Variants in SDK2 observed in about 807,000 individuals in gnomAD.
SDK2 encodes sidekick cell adhesion molecule 2.
Under a neutral mutation model 253.9 loss-of-function variants are expected in SDK2, and 105 were observed. The observed-to-expected ratio is 0.41, with a 90% CI of 0.35 to 0.49. The LOEUF (loss-of-function observed/expected upper bound fraction) is 0.49. SDK2 is among the 20% of genes least tolerant of loss of function. The probability of loss-of-function intolerance (pLI) is 0.06; values close to 1 mark genes in which losing one functional copy is unlikely to be tolerated. For synonymous variants in SDK2, 1,249 were observed against 1,234.9 expected (o/e 1.01, Z -0.24); for missense variants, 2,608 against 3,003.0 (o/e 0.87, Z 3.07).
At position 73,637,528 on chromosome 17, in the gene SDK2, G is replaced by A. The variant is rs144819324; in HGVS notation, c.64+6497C>T. ...TAAGTAGCTGGGATTACAGGCATGC[G>A]CCACCACACCTGGTTAATTTTTGTA... On this transcript the variant is annotated intron_variant, in intron 1 of 44. Transcript: ENST00000392650. Among the ~76,000 whole-genome samples the A allele has an allele frequency of 9.5e-4, 144 of 152,254 alleles. 1 individual carries two copies. Among genetic ancestry groups the A allele is most frequent in the African/African-American group, 2.6e-3 (107 of 41,548 alleles).
chr17:73,576,525 C>T (rs1217013072), intron 1 of SDK2, among the ~76,000 whole-genome samples: 1 of 152,202 alleles, frequency 6.6e-6, no homozygotes, highest in Non-Finnish European at 1.5e-5. Context: ...GCTTGCCGGA[C>T]ACAGGTGGAG....
chr17:73,361,558 A>T lies in SDK2; in HGVS notation c.5467+126T>A, dbSNP rs1019129989. 1 of 932,634 alleles carries T rather than the reference A, an allele frequency of 1.1e-6. No homozygotes were observed. Among genetic ancestry groups the T allele is most frequent in the East Asian group, 2.6e-5 (1 of 38,208 alleles). 57.8% of individuals were successfully genotyped at this position (932,634 alleles called of 1,614,324 possible). On this transcript the variant is annotated intron_variant, in intron 39 of 44. Coordinates refer to ENST00000392650, the MANE Select transcript of SDK2 (RefSeq NM_001144952.2). The surrounding 1 kb of genome is among the most constrained non-coding windows in gnomAD (Gnocchi z 4.1). ...GGGAGGGGTCACTGGGCACCAGGGGAAAGAGTGAGCTCTGTCCTCCACTCT... is the reference window on the plus strand; with the variant it reads ...GGGAGGGGTCACTGGGCACCAGGGGTAAGAGTGAGCTCTGTCCTCCACTCT...
intron 1 of SDK2, among the ~76,000 whole-genome samples, chr17:73,528,338 G>A (rs774538478): frequency 6.6e-6 from 1 of 152,220 alleles, no homozygotes; most frequent in Non-Finnish European, 1.5e-5. Context: ...CCTAGTCTGT[G>A]CAGGTGCAGT....
At chr17:73,544,714 A>T (rs1221285756) in intron 1 of SDK2, among the ~76,000 whole-genome samples, 2 of 152,212 alleles carry the variant, frequency 1.3e-5, no homozygotes, top group African/African-American at 4.8e-5. Context: ...AAAGCATCTA[A>T]CTTAACCTCT....
At chr17:73,427,642 C>CAAAAAAAAAAAAA (rs9302965) in intron 12 of SDK2, among the ~76,000 whole-genome samples, 4 of 105,818 alleles carry the variant, frequency 3.8e-5, no homozygotes, top group Non-Finnish European at 5.7e-5. Context: ...CATCCACATG[C>CAAAAAAAAAAAAA]AAAAAAAAAA....
chr17:73,633,822 T>C (rs887343286), intron 1 of SDK2, among the ~76,000 whole-genome samples: 2 of 151,468 alleles, frequency 1.3e-5, no homozygotes, highest in Admixed American at 6.6e-5. Context: ...CAGCTGGAAG[T>C]CAGGGACGGC....
Position 73,440,923 on chromosome 17 carries a change from T to A in SDK2, c.614A>T (p.Asn205Ile). 1 of 1,546,936 alleles carries A rather than the reference T, an allele frequency of 6.5e-7. No individual in the cohort carries two copies. Among genetic ancestry groups the A allele is most frequent in the Non-Finnish European group, 8.7e-7 (1 of 1,143,280 alleles). ...GATGGGGTCTGCAGGCCCCCCTACA[T>A]CTGGAGAGAGATCAGATGTTAGCTG... ...TSQPITLTVE[N>I]VGGPADPIAP... Residue 205 changes from asparagine (N) to isoleucine (I), a missense_variant and splice_region_variant, in exon 6 of 45, where the codon AAT becomes ATT. This residue lies in a region of SDK2 where 1,505 missense variants were observed against 1,859.1 expected (regional missense o/e 0.81). Transcript: ENST00000392650.
intron 17 of SDK2, 106 bp from the exon 18 acceptor site, chr17:73,414,865 C>A (rs72844105): frequency 5.8e-6 from 4 of 691,040 alleles, no homozygotes; most frequent in Non-Finnish European, 1.0e-5. Flanking sequence ...CTCTGCCTTG[C>A]ACCCCCCTAC....
chr17:73,389,776 G>A (rs1397480771), intron 29 of SDK2, among the ~76,000 whole-genome samples: 1 of 152,122 alleles, frequency 6.6e-6, no homozygotes, highest in African/African-American at 2.4e-5. Context: ...TTTAGACAGA[G>A]TCTTGTTCTG....
intron 1 of SDK2, among the ~76,000 whole-genome samples, chr17:73,622,846 A>T (rs141777233): frequency 3.3e-5 from 5 of 152,212 alleles, no homozygotes; most frequent in African/African-American, 1.2e-4. Flanking sequence ...CTGAACTCCA[A>T]GGTCTTCATC....
chr17:73,389,709 T>C (rs1874846), intron 29 of SDK2, among the ~76,000 whole-genome samples: 151,838 of 152,254 alleles, frequency 1, 75,713 homozygotes, highest in Middle Eastern at 1. Context: ...GCCAGGGCTG[T>C]GAGTGGGGAG....
chr17:73,399,949 T>C lies in SDK2; in HGVS notation c.2972-660A>G, dbSNP rs144199997. Reference sequence around the variant, plus strand: ...GAAGAGGATAATAGCAACACCTCCCTCAGGGTTGTTGTGAGGATTAAATGA... The same window carrying C: ...GAAGAGGATAATAGCAACACCTCCCCCAGGGTTGTTGTGAGGATTAAATGA... On this transcript the variant is annotated intron_variant, in intron 21 of 44. Coordinates refer to ENST00000392650, the MANE Select transcript of SDK2 (RefSeq NM_001144952.2). 5.6e-4 allele frequency among the ~76,000 whole-genome samples: 86 copies of C among 152,298 alleles called. 1 individual carries two copies. Among genetic ancestry groups the C allele is most frequent in the African/African-American group, 2.0e-3 (82 of 41,572 alleles).
At chr17:73,628,001 G>A (rs981537512) in intron 1 of SDK2, among the ~76,000 whole-genome samples, 1 of 152,186 alleles carries the variant, frequency 6.6e-6, no homozygotes, top group Non-Finnish European at 1.5e-5. Flanking sequence ...GCAGTGAGCC[G>A]AGATCGTGCC....
intron 1 of SDK2, among the ~76,000 whole-genome samples, chr17:73,573,597 C>T (rs2045417531): frequency 6.6e-6 from 1 of 152,200 alleles, no homozygotes; most frequent in African/African-American, 2.4e-5. Context: ...CTGCTGCTCA[C>T]CACCCATGTT....
intron 30 of SDK2, among the ~76,000 whole-genome samples, chr17:73,387,096 GATTACAGGC>G (rs2062878827): frequency 6.6e-6 from 1 of 152,214 alleles, no homozygotes; most frequent in Non-Finnish European, 1.5e-5. Context: ...GAATAGCTGG[GATTACAGGC>G]ATGTGCTACC....
intron 37 of SDK2, among the ~76,000 whole-genome samples, chr17:73,366,532 T>C (rs1410006086): frequency 6.6e-6 from 1 of 152,110 alleles, no homozygotes; most frequent in African/African-American, 2.4e-5. Flanking sequence ...ACTGACAGCA[T>C]AGGAAGCAGC....
At chr17:73,554,085 T>C (rs1016966463) in intron 1 of SDK2, among the ~76,000 whole-genome samples, 1 of 152,092 alleles carries the variant, frequency 6.6e-6, no homozygotes, top group Admixed American at 6.5e-5. Flanking sequence ...CTGGAGCAGA[T>C]CCCTTGTCCT....
rs563756578 is a variant in SDK2, at chr17:73,417,625, A to C, written c.2186+1541T>G. ...GGGGCACTGAGAGGTCCCAGGGCAGAACTTGCAGGTCTCAGCCTTGGAGGG... is the reference window on the plus strand; with the variant it reads ...GGGGCACTGAGAGGTCCCAGGGCAGCACTTGCAGGTCTCAGCCTTGGAGGG... On this transcript the variant is annotated intron_variant, in intron 16 of 44. Transcript: ENST00000392650. 4.6e-5 allele frequency among the ~76,000 whole-genome samples: 7 copies of C among 152,164 alleles called. No individual in the cohort carries two copies. In the East Asian group the frequency reaches 1.2e-3, roughly 25 times the overall value.
At chr17:73,606,314 G>A in intron 1 of SDK2, among the ~76,000 whole-genome samples, 1 of 152,044 alleles carries the variant, frequency 6.6e-6, no homozygotes, top group Admixed American at 6.5e-5. Context: ...GGTGGGGCAG[G>A]GCCCCCCTCC....
Sources: allele counts gnomAD v4.1 joint callset (sites outside exome capture counted in the v4.1 genomes callset), GRCh38; gene constraint gnomAD v4.1.1; regional missense constraint gnomAD v4.1.1; non-coding constraint Gnocchi (gnomAD v3.1); transcripts MANE v1.5; gene names NCBI Gene and HGNC (gene_info 2026-07-23, HGNC 2026-07-21).